Variants in TANC2 observed in about 807,000 individuals in gnomAD.
TANC2 encodes tetratricopeptide repeat, ankyrin repeat and coiled-coil containing 2.
TANC2 carries 26 observed loss-of-function variants against 210.5 expected under a neutral mutation model. The ratio of observed to expected loss-of-function variants is 0.12; its 90% CI spans 0.09 to 0.17. The LOEUF (loss-of-function observed/expected upper bound fraction) is 0.17. Ranked by LOEUF, TANC2 falls within the 10% of genes least tolerant of loss-of-function variation. The pLI is 1.00. For missense variants in TANC2, 2,129 were observed against 2,608.9 expected, an observed-to-expected ratio of 0.82 and a Z score of 4.01; for synonymous variants, 931 against 967.1, an observed-to-expected ratio of 0.96 and a Z score of 0.69.
intron 2 of TANC2, among the ~76,000 whole-genome samples, chr17:63,038,355 T>G: frequency 6.6e-6 from 1 of 152,218 alleles, no homozygotes; most frequent in Non-Finnish European, 1.5e-5. Flanking sequence ...GTCTAGCATT[T>G]CCAGGATAAA....
chr17:63,340,060 C>G (rs925135591), intron 11 of TANC2, 41 bp from the exon 12 acceptor site: 4 of 1,444,274 alleles, frequency 2.8e-6, no homozygotes, highest in Non-Finnish European at 3.9e-6. Flanking sequence ...ATTGCTCTTA[C>G]TACTGATAAG....
chr17:63,257,701 A>G (rs1415104819), intron 8 of TANC2, among the ~76,000 whole-genome samples: 1 of 152,220 alleles, frequency 6.6e-6, no homozygotes, highest in African/African-American at 2.4e-5. Flanking sequence ...AACTGATAAC[A>G]ACTTAACACT....
At chr17:63,409,252 G>A (rs1335121596) in intron 21 of TANC2, among the ~76,000 whole-genome samples, 1 of 151,942 alleles carries the variant, frequency 6.6e-6, no homozygotes, top group Non-Finnish European at 1.5e-5. Flanking sequence ...GCTCACCAAA[G>A]CCTGGAACCC....
chr17:63,274,204 T>A (rs1444164347), intron 9 of TANC2, among the ~76,000 whole-genome samples: 6 of 143,434 alleles, frequency 4.2e-5, no homozygotes, highest in Non-Finnish European at 8.9e-5. Flanking sequence ...CTTCATTAGT[T>A]AAAAAGTCCT....
chr17:62,979,820 A>AGGAT (rs2143398042), intron 1 of TANC2, among the ~76,000 whole-genome samples: 1 of 152,300 alleles, frequency 6.6e-6, no homozygotes, highest in South Asian at 2.1e-4. Flanking sequence ...CCGAGGCAGG[A>AGGAT]GGATAGCTTG....
At chr17:63,024,713 G>T (rs2034481479) in intron 2 of TANC2, among the ~76,000 whole-genome samples, 1 of 152,166 alleles carries the variant, frequency 6.6e-6, no homozygotes, top group Admixed American at 6.5e-5. Flanking sequence ...AATTTAATCT[G>T]TGTAGCAAAT....
intron 26 of TANC2, among the ~76,000 whole-genome samples, chr17:63,416,139 G>T (rs17549091): frequency 6.6e-6 from 1 of 152,066 alleles, no homozygotes; most frequent in Non-Finnish European, 1.5e-5. Flanking sequence ...CGAACTTTTC[G>T]CCTCTTTCCT....
At chr17:63,353,219 C>T (rs1567944152) in intron 13 of TANC2, among the ~76,000 whole-genome samples, 1 of 152,036 alleles carries the variant, frequency 6.6e-6, no homozygotes, top group Non-Finnish European at 1.5e-5. Context: ...GGTCATATTT[C>T]GTTGGACTGT....
In TANC2 at chr17:63,153,137, A is replaced by G. The variant is rs2039713894; in HGVS notation, c.433+1757A>G. 3.9e-5 allele frequency: 6 copies of G among 152,310 alleles called. No individual in the cohort carries two copies. The South Asian group carries it at 1.0e-3, about 26-fold the overall frequency. The allele number at this position is 152,310 out of a possible 1,614,324, so 9.4% of individuals were successfully genotyped here. A position where few individuals can be genotyped will look rare whatever the true frequency, so the allele number is the denominator to read the frequency against. The stretch of plus-strand genomic sequence containing the variant: ...GAATGGTAACCTGAGGGTTGAAGCT[A>G]TTATCTCTACATAGTATCAAAAATT... On this transcript the variant is annotated intron_variant, in intron 5 of 27. Transcript: ENST00000689528.
chr17:63,229,973 T>C (rs1483375015), intron 7 of TANC2, among the ~76,000 whole-genome samples: 1 of 152,108 alleles, frequency 6.6e-6, no homozygotes, highest in African/African-American at 2.4e-5. Flanking sequence ...TTTTTGTATT[T>C]TTAGCAGAGA....
intron 1 of TANC2, among the ~76,000 whole-genome samples, chr17:62,980,028 C>A (rs1280116545): frequency 6.6e-6 from 1 of 152,214 alleles, no homozygotes; most frequent in Non-Finnish European, 1.5e-5. Flanking sequence ...TCTTGTCTGA[C>A]CCCAGTTTTC....
At chr17:63,427,003 G>A (rs890727531) in exon 28 of TANC2, 2 of 151,872 alleles carry the variant, frequency 1.3e-5, no homozygotes, top group Non-Finnish European at 2.9e-5. Context: ...AAGAGATGCC[G>A]GCTCCAGATC....
intron 7 of TANC2, among the ~76,000 whole-genome samples, chr17:63,205,097 A>G (rs919588050): frequency 6.6e-6 from 1 of 152,068 alleles, no homozygotes; most frequent in Admixed American, 6.6e-5. Flanking sequence ...AAATAAATAA[A>G]TAAATGAAAA....
chr17:63,211,828 A>G (rs2041894922), intron 7 of TANC2, among the ~76,000 whole-genome samples: 1 of 152,170 alleles, frequency 6.6e-6, no homozygotes. Context: ...GGAAAGCTTA[A>G]TGATGGGGGA....
chr17:62,978,080 A>G (rs2032113311), intron 1 of TANC2, among the ~76,000 whole-genome samples: 2 of 152,178 alleles, frequency 1.3e-5, no homozygotes, highest in South Asian at 4.1e-4. Flanking sequence ...ATAATTTATT[A>G]TGTTATTTCC....
chr17:63,372,359 T>C (rs2047294249), intron 14 of TANC2, among the ~76,000 whole-genome samples: 1 of 152,118 alleles, frequency 6.6e-6, no homozygotes, highest in Non-Finnish European at 1.5e-5. Context: ...GCAAAGGTAG[T>C]AGGGTACAGT....
intron 3 of TANC2, chr17:63,088,467 C>CT (rs1361538270): frequency 1.3e-5 from 2 of 152,188 alleles, no homozygotes; most frequent in Non-Finnish European, 2.9e-5. Context: ...CTGCTCAAGA[C>CT]TTTCCTGAAT....
intron 8 of TANC2, among the ~76,000 whole-genome samples, chr17:63,239,063 C>T (rs1293734675): frequency 6.6e-6 from 1 of 151,162 alleles, no homozygotes; most frequent in Non-Finnish European, 1.5e-5. Flanking sequence ...CCTGTAGTTG[C>T]AGCAATTTGG....
In TANC2 at chr17:63,159,901, A is replaced by G. The variant is rs1238178977; in HGVS notation, c.433+8521A>G. ...CCATAGATTGGGTGGCTTAAACAAC[A>G]AACTACTGTTCATATAGTTCTGGAG... On this transcript the variant is annotated intron_variant, in intron 5 of 27. Coordinates refer to ENST00000689528, the Ensembl canonical transcript of TANC2. Among the ~76,000 whole-genome samples the G allele has an allele frequency of 2.0e-5, 3 of 152,304 alleles. No homozygotes were observed. In the East Asian group the frequency reaches 5.8e-4, roughly 29 times the overall value.
Sources: gnomAD v4.1 joint callset for allele counts (sites outside exome capture counted in the v4.1 genomes callset) on GRCh38, gnomAD v4.1.1 for gene constraint, MANE v1.5 for transcripts, NCBI Gene and HGNC (gene_info 2026-07-23, HGNC 2026-07-21) for gene names.